The following ASTN1 variants were observed in gnomAD, a reference collection of about 807,000 sequenced individuals.
ASTN1 encodes astrotactin-1.
A neutral mutation model predicts 140.7 loss-of-function variants in ASTN1; 41 were observed. The ratio of observed to expected loss-of-function variants is 0.29; its 90% CI spans 0.23 to 0.38. The LOEUF (loss-of-function observed/expected upper bound fraction) is 0.38. ASTN1 is among the 10% of genes least tolerant of loss of function. The pLI is 1.00. For synonymous variants in ASTN1, 640 were observed against 652.2 expected, an observed-to-expected ratio of 0.98 and a Z score of 0.29; for missense variants, 1,479 against 1,678.8, an observed-to-expected ratio of 0.88 and a Z score of 2.08.
chr1:177,121,403 C>A (rs1681378982), intron 1 of ASTN1, among the ~76,000 whole-genome samples: 1 of 152,022 alleles, frequency 6.6e-6, no homozygotes, highest in African/African-American at 2.4e-5. Context: ...AGAAATGTGG[C>A]CCTTGACATC....
At position 176,894,706 on chromosome 1, in the gene ASTN1, C is replaced by T. The variant is rs6680908; in HGVS notation, c.2796G>A (p.Glu932=). The change falls in exon 17 of 23, where the codon GAG becomes GAA. Residue 932 remains glutamate, a synonymous_variant. Transcript: ENST00000361833. ...AGGGGCATCGTCCCTTGCTGTGGCA[C>T]TCCATGCGGACTCCAGCCGCCATGT... ...TKHMAAGVRM[E]CHSKGRCPSS... is the part of the protein sequence containing the mutation. 135,981 of 1,614,010 alleles carry T rather than the reference C, an allele frequency of 0.084. 6,465 individuals are homozygous for T. Among genetic ancestry groups the T allele is most frequent in the African/African-American group, 0.17 (12,455 of 75,008 alleles).
intron 8 of ASTN1, among the ~76,000 whole-genome samples, chr1:177,002,985 C>T (rs1674808801): frequency 6.6e-6 from 1 of 151,556 alleles, no homozygotes; most frequent in African/African-American, 2.4e-5. Flanking sequence ...AAAAAAAAGG[C>T]CAAAACGAAC....
chr1:176,936,010 C>A (rs1013798976), intron 15 of ASTN1: 1 of 527,248 alleles, frequency 1.9e-6, no homozygotes, highest in Admixed American at 3.0e-5. Flanking sequence ...AAAATTATAC[C>A]TTCAATGGCT....
chr1:176,899,954 T>C (rs1017895358), intron 16 of ASTN1, among the ~76,000 whole-genome samples: 10 of 152,204 alleles, frequency 6.6e-5, no homozygotes, highest in Admixed American at 5.2e-4. Context: ...CTACATGAAA[T>C]AATAAGTGCC....
At chr1:177,007,747 G>T (rs1313269927) in intron 8 of ASTN1, among the ~76,000 whole-genome samples, 4 of 152,106 alleles carry the variant, frequency 2.6e-5, no homozygotes, top group African/African-American at 7.2e-5. Flanking sequence ...AGTAACCAAG[G>T]TTACAATTGC....
chr1:177,142,778 G>A (rs1031303856), intron 1 of ASTN1, among the ~76,000 whole-genome samples: 8 of 151,688 alleles, frequency 5.3e-5, no homozygotes, highest in Non-Finnish European at 1.0e-4. Context: ...GCAAGTTCCT[G>A]ATTTCTATAA....
At chr1:177,118,739 T>C (rs1470579917) in intron 1 of ASTN1, among the ~76,000 whole-genome samples, 1 of 152,130 alleles carries the variant, frequency 6.6e-6, no homozygotes, top group Admixed American at 6.5e-5. Context: ...ATATTACATG[T>C]GTATATAATG....
At chr1:177,027,390 T>C (rs141435776) in intron 5 of ASTN1, among the ~76,000 whole-genome samples, 208 of 152,096 alleles carry the variant, frequency 1.4e-3, no homozygotes, top group African/African-American at 4.8e-3. Flanking sequence ...CCTGACTCTA[T>C]GGTCTTTCTG....
intron 1 of ASTN1, among the ~76,000 whole-genome samples, chr1:177,097,459 AAAGTT>A (rs1406953114): frequency 1.3e-5 from 2 of 152,216 alleles, no homozygotes; most frequent in Admixed American, 1.3e-4. Flanking sequence ...TTCATTTAAT[AAAGTT>A]AAGTATCAAT....
At position 176,957,708 on chromosome 1, in the gene ASTN1, T is replaced by G. The variant is rs373996474; in HGVS notation, c.1857A>C (p.Ser619=). The G allele has an allele frequency of 1.9e-6, 3 of 1,613,970 alleles. No homozygotes were observed. In the African/African-American group the frequency reaches 4.0e-5, roughly 22 times the overall value. The change falls in exon 11 of 23, where the codon TCA becomes TCC. Residue 619 remains serine, a synonymous_variant. Coordinates refer to ENST00000361833, the MANE Select transcript of ASTN1 (RefSeq NM_004319.3). Reference sequence around the variant, plus strand: ...AACCAGTGGAGTCCAGCTTGCGATCTGAAATACAGCGGAAATTCTTACTGC... The same window carrying G: ...AACCAGTGGAGTCCAGCTTGCGATCGGAAATACAGCGGAAATTCTTACTGC... The part of the protein sequence containing the change: ...GGCSKNFRCI[S]DRKLDSTGCV...
At chr1:177,097,071 G>A (rs1460196538) in intron 1 of ASTN1, among the ~76,000 whole-genome samples, 5 of 151,682 alleles carry the variant, frequency 3.3e-5, no homozygotes, top group African/African-American at 4.8e-5. Context: ...CCCAGTATAC[G>A]GTATTTTGTT....
intron 1 of ASTN1, among the ~76,000 whole-genome samples, chr1:177,081,658 C>T (rs1418590157): frequency 4.6e-5 from 7 of 152,042 alleles, no homozygotes; most frequent in Non-Finnish European, 1.0e-4. Flanking sequence ...TGGCAGGGTG[C>T]CTTCTGAAGA....
chr1:176,913,813 C>T (rs1459594266), intron 16 of ASTN1, among the ~76,000 whole-genome samples: 2 of 152,184 alleles, frequency 1.3e-5, no homozygotes, highest in Non-Finnish European at 2.9e-5. Context: ...TACCTGAAAC[C>T]AGCCTACATT....
At chr1:176,935,784 T>C (rs1369531192) in intron 15 of ASTN1, among the ~76,000 whole-genome samples, 1 of 152,000 alleles carries the variant, frequency 6.6e-6, no homozygotes, top group African/African-American at 2.4e-5. Context: ...TCTCTCTCTT[T>C]CTCTCAATCT....
intron 21 of ASTN1, among the ~76,000 whole-genome samples, chr1:176,875,529 G>GT (rs1668525267): frequency 2.0e-5 from 3 of 152,024 alleles, no homozygotes; most frequent in Admixed American, 2.0e-4. Flanking sequence ...AATATTAGTG[G>GT]TTTTAATTAA....
At chr1:177,152,321 C>A (rs931802923) in intron 1 of ASTN1, among the ~76,000 whole-genome samples, 2 of 152,086 alleles carry the variant, frequency 1.3e-5, no homozygotes, top group Non-Finnish European at 2.9e-5. Flanking sequence ...AATGATTTCA[C>A]CAGGTACTGC....
intron 1 of ASTN1, among the ~76,000 whole-genome samples, chr1:177,129,086 T>G (rs1299393196): frequency 1.3e-5 from 2 of 152,116 alleles, no homozygotes; most frequent in Non-Finnish European, 2.9e-5. Flanking sequence ...TAAACCAGAC[T>G]GATAGATGAA....
chr1:177,090,455 C>T (rs1422565411), intron 1 of ASTN1, among the ~76,000 whole-genome samples: 1 of 152,052 alleles, frequency 6.6e-6, no homozygotes, highest in African/African-American at 2.4e-5. Flanking sequence ...CATGAGAGAG[C>T]CTTATGTTTC....
At chr1:177,116,344 T>C (rs1681091174) in intron 1 of ASTN1, among the ~76,000 whole-genome samples, 1 of 152,202 alleles carries the variant, frequency 6.6e-6, no homozygotes, top group African/African-American at 2.4e-5. Context: ...ACAGATGTAT[T>C]ATTTTATGTG....
Sources: allele counts gnomAD v4.1 joint callset (sites outside exome capture counted in the v4.1 genomes callset), GRCh38; gene constraint gnomAD v4.1.1; transcripts MANE v1.5; gene names NCBI Gene and HGNC (gene_info 2026-07-23, HGNC 2026-07-21).